The following TTC23 variants were observed in gnomAD, a reference collection of about 807,000 sequenced individuals.
TTC23 encodes tetratricopeptide repeat domain 23.
In TTC23, 58 loss-of-function variants were observed where a neutral mutation model predicts 55.1. That is an observed-to-expected ratio of 1.05 (90% CI 0.85 to 1.31). The LOEUF is 1.31. Among genes scored for constraint, TTC23 ranks in the 50% most tolerant of loss-of-function variants. TTC23 has a pLI of 0.00. For missense variants in TTC23, 516 were observed against 534.4 expected (o/e 0.97, Z 0.34); for synonymous variants, 203 against 199.9 (o/e 1.02, Z -0.13).
chr15:99,244,378 A>G (rs931480105), intron 2 of TTC23, among the ~76,000 whole-genome samples: 3 of 152,234 alleles, frequency 2.0e-5, no homozygotes, highest in African/African-American at 4.8e-5. Context: ...CTATGTAGAA[A>G]ATCCTAAGGA....
intron 12 of TTC23, among the ~76,000 whole-genome samples, chr15:99,149,304 T>G (rs2069388625): frequency 6.6e-6 from 1 of 152,120 alleles, no homozygotes; most frequent in Admixed American, 6.5e-5. Context: ...GAAATACGAG[T>G]GCCCATCATT....
At chr15:99,150,305 CAT>C (rs2069532139) in intron 12 of TTC23, among the ~76,000 whole-genome samples, 1 of 152,210 alleles carries the variant, frequency 6.6e-6, no homozygotes, top group Admixed American at 6.5e-5. Flanking sequence ...ACACTATCCT[CAT>C]AGTGATTTAA....
chr15:99,249,009 C>T lies in TTC23; in HGVS notation c.-431+162G>A, dbSNP rs181295612. The stretch of plus-strand genomic sequence containing the variant: ...CTATATCTTTTAATAGATATATTAT[C>T]TATTATGCCAGGTATGACAATATAT... On this transcript the variant is annotated intron_variant, in intron 1 of 13. Coordinates refer to ENST00000394132, the MANE Select transcript of TTC23 (RefSeq NM_001288615.3). Among the ~76,000 whole-genome samples, 24 of 152,094 alleles carry T rather than the reference C, an allele frequency of 1.6e-4. No individual in the cohort carries two copies. The East Asian group carries it at 4.4e-3, about 28-fold the overall frequency.
chr15:99,212,954 C>T (rs1047852622), intron 8 of TTC23, among the ~76,000 whole-genome samples: 1 of 136,440 alleles, frequency 7.3e-6, no homozygotes, highest in African/African-American at 2.8e-5. Context: ...AACTGTACTC[C>T]AGCCAGAGCA....
chr15:99,177,835 C>A (rs2073739201), intron 9 of TTC23, among the ~76,000 whole-genome samples: 1 of 151,568 alleles, frequency 6.6e-6, no homozygotes, highest in South Asian at 2.1e-4. Flanking sequence ...GTTTTTTTGC[C>A]ATGGAGACAG....
At chr15:99,205,863 A>C (rs774656437) in intron 8 of TTC23, among the ~76,000 whole-genome samples, 3 of 152,180 alleles carry the variant, frequency 2.0e-5, no homozygotes, top group Admixed American at 6.5e-5. Flanking sequence ...AAAATGGTAA[A>C]AGTAGGCAAG....
In TTC23 at chr15:99,137,710, A is replaced by C; in HGVS notation, c.*300T>G. 2 of 370,670 alleles carry C rather than the reference A, an allele frequency of 5.4e-6. No individual in the cohort carries two copies. The highest frequency in any genetic ancestry group is 5.0e-6 in the Non-Finnish European group (1 of 198,354). The allele number at this position is 370,670 out of a possible 1,614,324, so 23.0% of individuals were successfully genotyped here. A position where few individuals can be genotyped will look rare whatever the true frequency, so the allele number is the denominator to read the frequency against. ...CTGACTCCTGCACAGGGCGCACTGAACTGTTGAAGAGAAGTTTTTCAGCCA... is the reference window on the plus strand; with the variant it reads ...CTGACTCCTGCACAGGGCGCACTGACCTGTTGAAGAGAAGTTTTTCAGCCA... On this transcript the variant is annotated 3_prime_UTR_variant, in exon 14 of 14. Transcript: ENST00000394132.
At chr15:99,231,881 C>G (rs901282108) in intron 4 of TTC23, among the ~76,000 whole-genome samples, 31 of 151,644 alleles carry the variant, frequency 2.0e-4, no homozygotes, top group Admixed American at 2.0e-3. Context: ...CAACCTCTAC[C>G]CCCCAGGTTC....
intron 10 of TTC23, among the ~76,000 whole-genome samples, chr15:99,169,914 G>A (rs1443010050): frequency 2.0e-5 from 3 of 152,222 alleles, no homozygotes; most frequent in Non-Finnish European, 4.4e-5. Flanking sequence ...CGGCCTGCAA[G>A]AGCCCAGGCC....
chr15:99,201,111 C>T (rs544609201), intron 8 of TTC23, among the ~76,000 whole-genome samples: 1 of 152,282 alleles, frequency 6.6e-6, no homozygotes, highest in Admixed American at 6.5e-5. Flanking sequence ...TTTTACATTT[C>T]ATGTTTGTGC....
At chr15:99,162,106 TAAAGA>T (rs1414832044) in intron 10 of TTC23, among the ~76,000 whole-genome samples, 4 of 152,166 alleles carry the variant, frequency 2.6e-5, no homozygotes, top group African/African-American at 9.7e-5. Flanking sequence ...CGGTGATACA[TAAAGA>T]AAAGTTACTG....
chr15:99,139,868 T>C, intron 12 of TTC23: 1 of 756,446 alleles, frequency 1.3e-6, no homozygotes, highest in Non-Finnish European at 1.9e-6. Context: ...AACCAAATAT[T>C]CAGCTTATGG....
intron 9 of TTC23, among the ~76,000 whole-genome samples, chr15:99,192,506 A>T (rs1405186574): frequency 1.3e-5 from 2 of 152,352 alleles, no homozygotes; most frequent in South Asian, 4.1e-4. Flanking sequence ...AAGCCTGAAG[A>T]CTTGGCAGCT....
chr15:99,159,348 C>T (rs1314170168), intron 11 of TTC23: 1 of 152,264 alleles, frequency 6.6e-6, no homozygotes, highest in African/African-American at 2.4e-5. Flanking sequence ...AGGGTCTCTG[C>T]TTTCACAGGT....
At chr15:99,164,156 G>A (rs2071741957) in intron 10 of TTC23, among the ~76,000 whole-genome samples, 1 of 152,122 alleles carries the variant, frequency 6.6e-6, no homozygotes. Context: ...AAAATCACAG[G>A]GCTCTAGCAC....
chr15:99,163,696 C>A (rs2071686238), intron 10 of TTC23, among the ~76,000 whole-genome samples: 1 of 152,210 alleles, frequency 6.6e-6, no homozygotes, highest in Non-Finnish European at 1.5e-5. Context: ...GTAATTAAGT[C>A]ATGAGGATGG....
In TTC23 at chr15:99,161,885, T is replaced by G; in HGVS notation, c.866-18A>C. The stretch of plus-strand genomic sequence containing the variant: ...AGCTACATCTGAAGAAAAGCATTTA[T>G]CATAACTTTGAAAACTGCTCACAGA... On this transcript the variant is annotated intron_variant, in intron 10 of 13. Transcript: ENST00000394132. The G allele has an allele frequency of 6.3e-7, 1 of 1,585,176 alleles. No homozygotes were observed.
chr15:99,141,454 G>A (rs1221262692), intron 12 of TTC23, among the ~76,000 whole-genome samples: 2 of 152,084 alleles, frequency 1.3e-5, no homozygotes, highest in Non-Finnish European at 2.9e-5. Context: ...AGGTATAGAG[G>A]GGACTTCAAC....
At chr15:99,173,801 T>A (rs1266273175) in intron 10 of TTC23, among the ~76,000 whole-genome samples, 1 of 152,140 alleles carries the variant, frequency 6.6e-6, no homozygotes, top group African/African-American at 2.4e-5. Context: ...TTAGCTGCCA[T>A]TTATAACTAT....
Sources: allele counts gnomAD v4.1 joint callset (sites outside exome capture counted in the v4.1 genomes callset), GRCh38; gene constraint gnomAD v4.1.1; transcripts MANE v1.5; gene names NCBI Gene and HGNC (gene_info 2026-07-23, HGNC 2026-07-21).